ASAP1: variants seen among roughly 807,000 people sequenced by gnomAD.
ASAP1 encodes arf-GAP with SH3 domain, ANK repeat and PH domain-containing protein 1.
Under a neutral mutation model 145.2 loss-of-function variants are expected in ASAP1, and 43 were observed. The observed-to-expected ratio is 0.30, with a 90% CI of 0.23 to 0.38. The LOEUF (loss-of-function observed/expected upper bound fraction) is 0.38, where lower values mean the gene tolerates loss of function less well. Ranked by LOEUF, ASAP1 falls within the 10% of genes least tolerant of loss-of-function variation. The pLI is 1.00. For missense variants in ASAP1, 1,018 were observed against 1,355.3 expected (o/e 0.75, Z 3.91); for synonymous variants, 546 against 515.5 (o/e 1.06, Z -0.80).
At chr8:130,365,310 C>G (rs549358150) in intron 2 of ASAP1, among the ~76,000 whole-genome samples, 1 of 152,306 alleles carries the variant, frequency 6.6e-6, no homozygotes, top group South Asian at 2.1e-4. Flanking sequence ...TTTTTCTTCT[C>G]TAGGAAAGCA....
At chr8:130,161,518 T>C (rs550938908) in intron 11 of ASAP1, among the ~76,000 whole-genome samples, 83 of 152,340 alleles carry the variant, frequency 5.4e-4, no homozygotes, top group African/African-American at 1.9e-3. Flanking sequence ...GCCCTGGCTT[T>C]GACATGGACG....
At chr8:130,118,295 A>AGGGAGGCTTCATATAT (rs2097559693) in intron 19 of ASAP1, 49 bp from the exon 20 acceptor site, 1 of 1,571,986 alleles carries the variant, frequency 6.4e-7, no homozygotes, top group Non-Finnish European at 8.7e-7. Flanking sequence ...TGCTCTGCCA[A>AGGGAGGCTTCATATAT]GGGAGGCTTC....
chr8:130,175,171 C>G (rs1044879594), intron 9 of ASAP1, among the ~76,000 whole-genome samples: 1 of 152,104 alleles, frequency 6.6e-6, no homozygotes, highest in African/African-American at 2.4e-5. Flanking sequence ...GTACTTAACA[C>G]CGACTAATGA....
At chr8:130,276,722 A>ACTCTCTCT (rs1820912328) in intron 3 of ASAP1, among the ~76,000 whole-genome samples, 4 of 110,728 alleles carry the variant, frequency 3.6e-5, no homozygotes, top group African/African-American at 1.3e-4. Context: ...ACACACACAC[A>ACTCTCTCT]CACACACTCT....
At chr8:130,299,726 GCA>G (rs1822506445) in intron 3 of ASAP1, among the ~76,000 whole-genome samples, 1 of 152,148 alleles carries the variant, frequency 6.6e-6, no homozygotes, top group Non-Finnish European at 1.5e-5. Context: ...AAACTTTCCA[GCA>G]CAGAGTTAAG....
At chr8:130,222,977 C>T (rs796744341) in intron 4 of ASAP1, among the ~76,000 whole-genome samples, 8 of 152,290 alleles carry the variant, frequency 5.3e-5, no homozygotes, top group African/African-American at 1.9e-4. Context: ...GCTCCAGACT[C>T]TACCATGTCA....
intron 5 of ASAP1, among the ~76,000 whole-genome samples, chr8:130,199,377 A>C (rs1020122567): frequency 3.9e-5 from 6 of 152,152 alleles, no homozygotes; most frequent in African/African-American, 1.4e-4. Context: ...GTGTTATAGA[A>C]CCTGAACCAG....
At chr8:130,312,644 G>C (rs1316658193) in intron 3 of ASAP1, among the ~76,000 whole-genome samples, 2 of 152,114 alleles carry the variant, frequency 1.3e-5, no homozygotes, top group Non-Finnish European at 2.9e-5. Context: ...TCTATTTATA[G>C]GTAAGGAAAA....
intron 12 of ASAP1, among the ~76,000 whole-genome samples, chr8:130,158,744 A>ATT (rs879935055): frequency 6.9e-6 from 1 of 144,614 alleles, no homozygotes; most frequent in African/African-American, 2.5e-5. Context: ...ATGCTTTATG[A>ATT]TTTTTTTTTT....
chr8:130,432,455 G>A (rs1305324421), intron 1 of ASAP1, among the ~76,000 whole-genome samples: 1 of 152,196 alleles, frequency 6.6e-6, no homozygotes, highest in Non-Finnish European at 1.5e-5. Flanking sequence ...TAGGGTGAAT[G>A]AGGAAAGTGT....
In ASAP1 at chr8:130,123,720, G is replaced by A. The variant is rs556920707; in HGVS notation, c.1607+293C>T. Among the ~76,000 whole-genome samples, 246 of 152,146 alleles carry A rather than the reference G, an allele frequency of 1.6e-3. 1 individual carries two copies. The highest frequency in any genetic ancestry group is 5.7e-3 in the African/African-American group (238 of 41,472). ...CGGCTCACTGCAAGCTCCGCCTCCC[G>A]GGTTCATGCCATTCTCCTGCCTCAG... On this transcript the variant is annotated intron_variant, in intron 18 of 29. Coordinates refer to ENST00000518721, the MANE Select transcript of ASAP1 (RefSeq NM_018482.4).
At chr8:130,255,056 G>A (rs986719014) in intron 3 of ASAP1, among the ~76,000 whole-genome samples, 5 of 151,944 alleles carry the variant, frequency 3.3e-5, no homozygotes, top group Admixed American at 6.6e-5. Flanking sequence ...TAAATGTCTC[G>A]AAAGTCATCT....
chr8:130,055,101 A>G (rs1420916351), intron 29 of ASAP1, among the ~76,000 whole-genome samples: 2 of 152,202 alleles, frequency 1.3e-5, no homozygotes, highest in Admixed American at 1.3e-4. Context: ...TTCATTTTAC[A>G]GATGAAGGGA....
At chr8:130,133,176 C>A (rs941284515) in intron 15 of ASAP1, among the ~76,000 whole-genome samples, 1 of 152,018 alleles carries the variant, frequency 6.6e-6, no homozygotes, top group Non-Finnish European at 1.5e-5. Flanking sequence ...ACAATAATTG[C>A]CCATTTTAAC....
At chr8:130,264,988 G>A (rs1376080644) in intron 3 of ASAP1, among the ~76,000 whole-genome samples, 2 of 152,122 alleles carry the variant, frequency 1.3e-5, no homozygotes, top group East Asian at 1.9e-4. Context: ...GAGAAGCTAT[G>A]AAGACTAAAA....
chr8:130,115,485 T>C (rs2097553919), intron 23 of ASAP1, 143 bp downstream of exon 23: 5 of 680,122 alleles, frequency 7.4e-6, no homozygotes, highest in Non-Finnish European at 1.3e-5. Flanking sequence ...TGGTGCCCAA[T>C]AAGGACTGAA....
At chr8:130,276,634 G>A (rs1292481387) in intron 3 of ASAP1, among the ~76,000 whole-genome samples, 1 of 146,494 alleles carries the variant, frequency 6.8e-6, no homozygotes, top group East Asian at 2.1e-4. Context: ...CTGACCAAAT[G>A]GATTTGTGAT....
intron 24 of ASAP1, among the ~76,000 whole-genome samples, chr8:130,097,050 C>T (rs999420353): frequency 1.5e-4 from 21 of 136,296 alleles, no homozygotes; most frequent in Non-Finnish European, 2.0e-4. Context: ...CGCTTGAACC[C>T]GGGAGATGGA....
chr8:130,256,022 A>T (rs1254276513), intron 3 of ASAP1, among the ~76,000 whole-genome samples: 1 of 152,150 alleles, frequency 6.6e-6, no homozygotes, highest in Non-Finnish European at 1.5e-5. Context: ...GCCAATTCAG[A>T]CAGAATATCT....
Sources: gnomAD v4.1 joint callset for allele counts (sites outside exome capture counted in the v4.1 genomes callset) on GRCh38, gnomAD v4.1.1 for gene constraint, MANE v1.5 for transcripts, NCBI Gene and HGNC (gene_info 2026-07-23, HGNC 2026-07-21) for gene names.